Variants in ATP6V1E1 observed in about 807,000 individuals in gnomAD.
ATP6V1E1 encodes V-type proton ATPase subunit E 1.
In ATP6V1E1, 21 loss-of-function variants were observed where a neutral mutation model predicts 35.2. That is an observed-to-expected ratio of 0.60 (90% confidence interval 0.42 to 0.86). The LOEUF (loss-of-function observed/expected upper bound fraction) is 0.86. Ranked by LOEUF, ATP6V1E1 falls within the 40% of genes least tolerant of loss-of-function variation. ATP6V1E1 has a pLI of 0.00. For synonymous variants in ATP6V1E1, 83 were observed against 87.8 expected, an observed-to-expected ratio of 0.95 and a Z score of 0.30; for missense variants, 183 against 272.6, an observed-to-expected ratio of 0.67 and a Z score of 2.32.
chr22:17,599,954 A>C, intron 6 of ATP6V1E1, 73 bp downstream of exon 6: 5 of 1,119,252 alleles, frequency 4.5e-6, no homozygotes, highest in African/African-American at 1.7e-5. Flanking sequence ...GAAGGAAGGA[A>C]AAGAAAGAGA....
intron 5 of ATP6V1E1, 120 bp from the exon 6 acceptor site, chr22:17,600,215 G>T: frequency 1.2e-6 from 1 of 825,638 alleles, no homozygotes; most frequent in Non-Finnish European, 1.9e-6. Flanking sequence ...CGGGCGGATT[G>T]CCTGAGCTCA....
At position 17,592,762 on chromosome 22, in the gene ATP6V1E1, C is replaced by T. The variant is rs113816547; in HGVS notation, c.619-26G>A. 127 of 1,575,352 alleles carry T rather than the reference C, an allele frequency of 8.1e-5. 1 individual carries two copies. The highest frequency in any genetic ancestry group is 1.7e-4 in the Middle Eastern group (1 of 5,936). On this transcript the variant is annotated intron_variant, in intron 8 of 8. Transcript: ENST00000253413. ...CTGTGGAGAGAAAGTGTAATAAATACGCAATGTCAGCTGAAGAAGTTGTAG... is the reference window on the plus strand; with the variant it reads ...CTGTGGAGAGAAAGTGTAATAAATATGCAATGTCAGCTGAAGAAGTTGTAG...
At chr22:17,606,176 C>A (rs1230738934) in intron 4 of ATP6V1E1, among the ~76,000 whole-genome samples, 1 of 152,170 alleles carries the variant, frequency 6.6e-6, no homozygotes, top group East Asian at 1.9e-4. Context: ...GACCAAAGCA[C>A]CACACAACTT....
intron 7 of ATP6V1E1, among the ~76,000 whole-genome samples, chr22:17,596,550 C>G (rs5992750): frequency 6.6e-6 from 1 of 151,892 alleles, no homozygotes; most frequent in Admixed American, 6.5e-5. Context: ...CAATCTTGAA[C>G]TTTCCAGCCA....
intron 3 of ATP6V1E1, 71 bp downstream of exon 3, chr22:17,613,140 C>T (rs1366965989): frequency 7.5e-7 from 1 of 1,333,418 alleles, no homozygotes; most frequent in African/African-American, 1.5e-5. Flanking sequence ...TTATATATGC[C>T]TGACTCCAAA....
At chr22:17,592,768 G>A (rs1389922594) in intron 8 of ATP6V1E1, 32 bp from the exon 9 acceptor site, 2 of 1,457,234 alleles carry the variant, frequency 1.4e-6, no homozygotes, top group Non-Finnish European at 1.9e-6. Context: ...AATACGCAAT[G>A]TCAGCTGAAG....
chr22:17,613,970 A>T (rs2057829084), intron 2 of ATP6V1E1, among the ~76,000 whole-genome samples: 1 of 151,956 alleles, frequency 6.6e-6, no homozygotes, highest in Non-Finnish European at 1.5e-5. Flanking sequence ...CTGTCTCAAA[A>T]AAAAACAAAG....
chr22:17,594,601 C>G lies in ATP6V1E1; in HGVS notation c.546G>C (p.Glu182Asp), dbSNP rs1167427939. ...TTATTTTACGATCTCCATTATAGATCTCAACTCCACCAGCTCTGCAAAAAA... is the reference window on the plus strand; with the variant it reads ...TTATTTTACGATCTCCATTATAGATGTCAACTCCACCAGCTCTGCAAAAAA... ...YLPEDIAGGVEIYNGDRKIKV... is the reference protein window; with the variant it reads ...YLPEDIAGGVDIYNGDRKIKV... The change falls in exon 8 of 9, where the codon GAG (glutamate) becomes GAC (aspartate). Residue 182 changes from glutamate to aspartate, a missense_variant. Physicochemically the swap from Glu to Asp is conservative, Grantham distance 45 (BLOSUM62 2). Coordinates refer to ENST00000253413, the MANE Select transcript of ATP6V1E1 (RefSeq NM_001696.4). 2 of 1,577,046 alleles carry G rather than the reference C, an allele frequency of 1.3e-6. No homozygotes were observed. The highest frequency in any genetic ancestry group is 1.7e-6 in the Non-Finnish European group (2 of 1,165,400).
At position 17,628,731 on chromosome 22, in the gene ATP6V1E1, T is replaced by G; in HGVS notation, c.-96A>C. The G allele has an allele frequency of 1.3e-6, 2 of 1,543,110 alleles. No homozygotes were observed. Among genetic ancestry groups the G allele is most frequent in the Admixed American group, 1.7e-5 (1 of 59,796 alleles). On this transcript the variant is annotated 5_prime_UTR_variant, in exon 1 of 9. Coordinates refer to ENST00000253413, the MANE Select transcript of ATP6V1E1 (RefSeq NM_001696.4). ...GGCAAAGGGAACCCCTGCGCAGATC[T>G]CGGGTTCCTTTACTTTATAACCGCG... is the stretch of plus-strand genomic sequence containing the variant.
At chr22:17,604,851 G>A (rs1196684935) in intron 4 of ATP6V1E1, among the ~76,000 whole-genome samples, 5 of 151,926 alleles carry the variant, frequency 3.3e-5, no homozygotes, top group African/African-American at 1.2e-4. Flanking sequence ...TCTAACCACA[G>A]CAATAGAAAT....
chr22:17,611,710 T>C (rs1212250283), intron 4 of ATP6V1E1, among the ~76,000 whole-genome samples: 1 of 152,222 alleles, frequency 6.6e-6, no homozygotes, highest in African/African-American at 2.4e-5. Context: ...ACTCAGAATT[T>C]AGTGATGGAC....
chr22:17,618,799 A>C (rs1280326393), intron 2 of ATP6V1E1, among the ~76,000 whole-genome samples: 1 of 152,156 alleles, frequency 6.6e-6, no homozygotes. Context: ...CAGGAGTTCA[A>C]GACCAGCCTG....
intron 4 of ATP6V1E1, among the ~76,000 whole-genome samples, chr22:17,611,568 G>A (rs1049378369): frequency 6.6e-6 from 1 of 152,086 alleles, no homozygotes; most frequent in African/African-American, 2.4e-5. Flanking sequence ...CAAAAGTCCA[G>A]CCCACCCAGG....
intron 6 of ATP6V1E1, 119 bp from the exon 7 acceptor site, chr22:17,598,407 AC>A: frequency 2.6e-6 from 2 of 783,618 alleles, no homozygotes; most frequent in East Asian, 5.1e-5. Context: ...GAACAGAGGC[AC>A]CGCTGGTGGG....
At chr22:17,614,280 G>A (rs2057830721) in intron 2 of ATP6V1E1, among the ~76,000 whole-genome samples, 1 of 151,920 alleles carries the variant, frequency 6.6e-6, no homozygotes, top group African/African-American at 2.4e-5. Flanking sequence ...AACCTGGGAG[G>A]CGGAGGTTGC....
chr22:17,627,132 G>A (rs2146322095), intron 1 of ATP6V1E1, among the ~76,000 whole-genome samples: 1 of 152,144 alleles, frequency 6.6e-6, no homozygotes, highest in African/African-American at 2.4e-5. Flanking sequence ...TGGGACTACA[G>A]GCGCACCCCA....
rs966271513 is a variant in ATP6V1E1 at position 17,601,299 on chromosome 22, A to G, written c.277-118T>C. On this transcript the variant is annotated intron_variant, in intron 4 of 8. Transcript: ENST00000253413. ...CCTCACATTTTATTGCTGGATTTTCATTCAACACACATTCCCTGAGATCTG... is the reference window on the plus strand; with the variant it reads ...CCTCACATTTTATTGCTGGATTTTCGTTCAACACACATTCCCTGAGATCTG... The G allele has an allele frequency of 1.1e-5, 8 of 750,556 alleles. No homozygotes were observed. In the East Asian group the frequency reaches 2.2e-4, roughly 20 times the overall value. The allele number at this position is 750,556 out of a possible 1,614,324, so 46.5% of individuals were successfully genotyped here. A position where few individuals can be genotyped will look rare whatever the true frequency, so the allele number is the denominator to read the frequency against.
intron 2 of ATP6V1E1, among the ~76,000 whole-genome samples, chr22:17,615,320 T>A (rs754943275): frequency 1.2e-4 from 19 of 152,010 alleles, no homozygotes; most frequent in Non-Finnish European, 2.8e-4. Context: ...TTAATTTTTT[T>A]ATACATAAAT....
At chr22:17,595,913 G>A (rs979269920) in intron 7 of ATP6V1E1, among the ~76,000 whole-genome samples, 6 of 151,940 alleles carry the variant, frequency 3.9e-5, no homozygotes, top group East Asian at 1.9e-4. Context: ...GGCAGATCAC[G>A]ACATCAGGAG....
Sources: allele counts gnomAD v4.1 joint callset (sites outside exome capture counted in the v4.1 genomes callset), GRCh38; gene constraint gnomAD v4.1.1; transcripts MANE v1.5; gene names NCBI Gene and HGNC (gene_info 2026-07-23, HGNC 2026-07-21).